The following RUNX1T1 variants were observed in gnomAD, a reference collection of about 807,000 sequenced individuals.
RUNX1T1 encodes the protein protein CBFA2T1.
In RUNX1T1, 4 loss-of-function variants were observed where a neutral mutation model predicts 62.8. The ratio of observed to expected loss-of-function variants is 0.06; its 90% confidence interval spans 0.03 to 0.15. RUNX1T1 has a LOEUF of 0.15. Among genes scored for constraint, RUNX1T1 ranks in the 10% least tolerant of loss-of-function variants. RUNX1T1 has a pLI of 1.00. For missense variants in RUNX1T1, 508 were observed against 754.3 expected, an observed-to-expected ratio of 0.67 and a Z score of 3.82; for synonymous variants, 291 against 286.0, an observed-to-expected ratio of 1.02 and a Z score of -0.18.
exon 2 of RUNX1T1, chr8:92,017,228 G>A (rs780681800): frequency 9.4e-6 from 15 of 1,597,326 alleles, no homozygotes; most frequent in South Asian, 4.4e-5. Flanking sequence ...CTACTTACAC[G>A]TTGTCGGTGT....
chr8:92,054,552 G>C (rs1830730123), intron 1 of RUNX1T1, among the ~76,000 whole-genome samples: 2 of 152,172 alleles, frequency 1.3e-5, no homozygotes, highest in Non-Finnish European at 2.9e-5. Context: ...AAGACAAAGA[G>C]AGTGAAACTC....
intron 8 of RUNX1T1, among the ~76,000 whole-genome samples, chr8:91,983,171 G>C (rs1815790495): frequency 6.6e-6 from 1 of 151,720 alleles, no homozygotes; most frequent in South Asian, 2.1e-4. Flanking sequence ...CCGACCTCGT[G>C]ATCCGTCTGC....
rs937821490 is a variant in RUNX1T1 at position 92,024,842 on chromosome 8, C to T, written c.8-7479G>A. Reference sequence around the variant, plus strand: ...TTCAAATTTTCACTTTATACTCTTCCTTAGTGATTTCATTTGTGTTATCAT... The same window carrying T: ...TTCAAATTTTCACTTTATACTCTTCTTTAGTGATTTCATTTGTGTTATCAT... On this transcript the variant is annotated intron_variant, in intron 1 of 10. Coordinates refer to ENST00000396218, the Ensembl canonical transcript of RUNX1T1. 7.2e-5 allele frequency among the ~76,000 whole-genome samples: 11 copies of T among 152,230 alleles called. No homozygotes were observed. The East Asian group carries it at 1.7e-3, about 24-fold the overall frequency.
intron 1 of RUNX1T1, among the ~76,000 whole-genome samples, chr8:92,021,528 T>A (rs1824092667): frequency 6.6e-6 from 1 of 152,116 alleles, no homozygotes; most frequent in Non-Finnish European, 1.5e-5. Flanking sequence ...AATCATGAAA[T>A]GACACAGTGG....
intron 5 of RUNX1T1, among the ~76,000 whole-genome samples, chr8:91,999,419 T>C (rs1034239815): frequency 6.6e-6 from 1 of 152,122 alleles, no homozygotes; most frequent in Non-Finnish European, 1.5e-5. Flanking sequence ...ATCTCAAAGC[T>C]ATGGAGAGAA....
At chr8:92,017,414 T>G in intron 1 of RUNX1T1, 51 bp from the exon 3 acceptor site, 3 of 1,613,844 alleles carry the variant, frequency 1.9e-6, no homozygotes, top group Non-Finnish European at 2.5e-6. Flanking sequence ...GCACCTCAGT[T>G]TTTCAAGTGG....
At chr8:91,971,300 G>C (rs569988694) in intron 9 of RUNX1T1, 3 of 152,766 alleles carry the variant, frequency 2.0e-5, no homozygotes, top group Non-Finnish European at 4.4e-5. Context: ...AAGGTCATTC[G>C]CAAGAAACCT....
intron 1 of RUNX1T1, among the ~76,000 whole-genome samples, chr8:92,031,364 T>G (rs1422358932): frequency 6.6e-6 from 1 of 152,154 alleles, no homozygotes; most frequent in Non-Finnish European, 1.5e-5. Context: ...TTTCTAGAAT[T>G]TTACAAATGT....
At chr8:92,040,631 GC>G in intron 1 of RUNX1T1, among the ~76,000 whole-genome samples, 1 of 152,290 alleles carries the variant, frequency 6.6e-6, no homozygotes, top group South Asian at 2.1e-4. Flanking sequence ...GCTCTACTGT[GC>G]TTTCAAAGCC....
chr8:91,971,848 A>G (rs1384860006), intron 9 of RUNX1T1, among the ~76,000 whole-genome samples: 1 of 152,204 alleles, frequency 6.6e-6, no homozygotes, highest in Non-Finnish European at 1.5e-5. Context: ...AATGTACAAC[A>G]TAAGACTGAC....
At chr8:92,072,600 T>A (rs1252669008) in intron 2 of RUNX1T1, among the ~76,000 whole-genome samples, 1 of 152,140 alleles carries the variant, frequency 6.6e-6, no homozygotes, top group African/African-American at 2.4e-5. Context: ...CAAAGAACAT[T>A]AAATGAAAAC....
At chr8:92,033,748 G>C (rs1486209889) in intron 1 of RUNX1T1, among the ~76,000 whole-genome samples, 1 of 151,986 alleles carries the variant, frequency 6.6e-6, no homozygotes, top group Non-Finnish European at 1.5e-5. Flanking sequence ...GAAGCGGGCG[G>C]ATCATGAGGT....
chr8:91,971,354 A>T (rs530496783), intron 9 of RUNX1T1, among the ~76,000 whole-genome samples: 3 of 152,166 alleles, frequency 2.0e-5, no homozygotes, highest in African/African-American at 7.2e-5. Flanking sequence ...CCACAATGCT[A>T]TAAGTTAACA....
intron 1 of RUNX1T1, among the ~76,000 whole-genome samples, chr8:92,030,076 G>C (rs1170542071): frequency 6.6e-6 from 1 of 152,028 alleles, no homozygotes; most frequent in South Asian, 2.1e-4. Flanking sequence ...CTCATCTCAT[G>C]CCTCATTGGT....
chr8:92,038,046 CTTTA>C (rs58091057), intron 1 of RUNX1T1, among the ~76,000 whole-genome samples: 68 of 150,076 alleles, frequency 4.5e-4, no homozygotes, highest in Admixed American at 1.3e-3. Context: ...CAAAATTCTT[CTTTA>C]TTTATTTATT....
intron 2 of RUNX1T1, among the ~76,000 whole-genome samples, chr8:92,075,410 T>C (rs1834275088): frequency 6.6e-6 from 1 of 152,254 alleles, no homozygotes; most frequent in African/African-American, 2.4e-5. Context: ...TTATATTTGC[T>C]GTTTTCCTAA....
chr8:91,970,567 A>G (rs1586737799), intron 10 of RUNX1T1, 91 bp downstream of exon 11: 18 of 1,210,656 alleles, frequency 1.5e-5, no homozygotes, highest in Non-Finnish European at 2.0e-5. Flanking sequence ...TTTTCCAAAT[A>G]TTTATCTAAA....
intron 2 of RUNX1T1, among the ~76,000 whole-genome samples, chr8:92,071,618 A>G (rs186769010): frequency 6.6e-6 from 1 of 152,262 alleles, no homozygotes; most frequent in Admixed American, 6.5e-5. Context: ...TGCCTCCCGA[A>G]AGAAAGGAAC....
chr8:92,000,495 G>T (rs901741093), intron 5 of RUNX1T1, among the ~76,000 whole-genome samples: 2 of 151,954 alleles, frequency 1.3e-5, no homozygotes, highest in African/African-American at 2.4e-5. Flanking sequence ...CCGAATGCAG[G>T]TTATACAAAT....
Sources: gnomAD v4.1 joint callset for allele counts (sites outside exome capture counted in the v4.1 genomes callset) on GRCh38, gnomAD v4.1.1 for gene constraint, MANE v1.5 for transcripts, NCBI Gene and HGNC (gene_info 2026-07-23, HGNC 2026-07-21) for gene names.